USP47: variants seen among roughly 807,000 people sequenced by gnomAD.
USP47 encodes ubiquitin specific peptidase 47.
USP47 carries 35 observed loss-of-function variants against 165.1 expected under a neutral mutation model. The ratio of observed to expected loss-of-function variants is 0.21; its 90% CI spans 0.16 to 0.28. The LOEUF (loss-of-function observed/expected upper bound fraction) is 0.28. Among genes scored for constraint, USP47 ranks in the 10% least tolerant of loss-of-function variants. The probability of loss-of-function intolerance (pLI) is 1.00; values close to 1 mark genes in which losing one functional copy is unlikely to be tolerated. For synonymous variants in USP47, 531 were observed against 544.5 expected (o/e 0.98, Z 0.35); for missense variants, 1,277 against 1,607.4 (o/e 0.79, Z 3.52).
chr11:11,857,324 T>A (rs769188392), intron 1 of USP47, among the ~76,000 whole-genome samples: 2 of 152,122 alleles, frequency 1.3e-5, no homozygotes, highest in Non-Finnish European at 2.9e-5. Context: ...TTATTTTATA[T>A]CTATTTATAG....
chr11:11,843,037 C>G (rs1278054602), intron 1 of USP47, among the ~76,000 whole-genome samples: 1 of 152,118 alleles, frequency 6.6e-6, no homozygotes, highest in Non-Finnish European at 1.5e-5. Flanking sequence ...TTATAAATAT[C>G]TTCGGCGTAT....
chr11:11,888,580 A>C (rs749353227), intron 3 of USP47, among the ~76,000 whole-genome samples: 1 of 152,202 alleles, frequency 6.6e-6, no homozygotes, highest in African/African-American at 2.4e-5. Flanking sequence ...AATCAAAAAA[A>C]GCCCAGGACC....
At chr11:11,919,817 A>T (rs983265293) in intron 8 of USP47, among the ~76,000 whole-genome samples, 8 of 151,922 alleles carry the variant, frequency 5.3e-5, no homozygotes, top group African/African-American at 9.7e-5. Flanking sequence ...TGCTTTTCTT[A>T]GAAGTGTGGA....
At chr11:11,850,499 A>G (rs1313527690) in intron 1 of USP47, among the ~76,000 whole-genome samples, 1 of 113,330 alleles carries the variant, frequency 8.8e-6, no homozygotes, top group African/African-American at 3.4e-5. Context: ...TTGTCTGCAT[A>G]TTCTTTTTCT....
chr11:11,859,431 T>C (rs1174748596), intron 1 of USP47, among the ~76,000 whole-genome samples: 4 of 152,186 alleles, frequency 2.6e-5, no homozygotes, highest in Non-Finnish European at 5.9e-5. Flanking sequence ...ACCTTTCTGG[T>C]ATTTTTCTTC....
chr11:11,845,764 C>T (rs1848392598), intron 1 of USP47, among the ~76,000 whole-genome samples: 2 of 152,168 alleles, frequency 1.3e-5, no homozygotes, highest in African/African-American at 4.8e-5. Context: ...TATTTGCCAA[C>T]TTTTGCTTTA....
intron 1 of USP47, among the ~76,000 whole-genome samples, chr11:11,871,708 A>G (rs1281262253): frequency 6.6e-6 from 1 of 152,034 alleles, no homozygotes; most frequent in Non-Finnish European, 1.5e-5. Context: ...CAGAGTGTCC[A>G]GCTTTCTTCT....
chr11:11,923,555 A>G (rs368676227), intron 11 of USP47, among the ~76,000 whole-genome samples: 2 of 152,020 alleles, frequency 1.3e-5, no homozygotes, highest in East Asian at 3.9e-4. Flanking sequence ...ATTTTTTTCC[A>G]CATATATTCT....
intron 4 of USP47, among the ~76,000 whole-genome samples, chr11:11,896,703 G>A (rs776539790): frequency 4.3e-4 from 65 of 151,998 alleles, no homozygotes; most frequent in Non-Finnish European, 8.1e-4. Flanking sequence ...CAAATGGGTC[G>A]TTACAAAACA....
chr11:11,905,662 A>C, intron 8 of USP47, 114 bp downstream of exon 8: 1 of 1,075,996 alleles, frequency 9.3e-7, no homozygotes, highest in Non-Finnish European at 1.2e-6. Flanking sequence ...TTGGGTTGTT[A>C]GTCATTCCTG....
chr11:11,960,346 T>C lies in USP47; in HGVS notation c.*4171T>C, dbSNP rs957043545. ...GTCACTAGTAACTTTTTTGTAGACA[T>C]GAAGGTAGATGCCCTGCAGGTCCTA... On this transcript the variant is annotated 3_prime_UTR_variant, in exon 28 of 28. Coordinates refer to ENST00000527733, the MANE Select transcript of USP47 (RefSeq NM_001282659.2). Among the ~76,000 whole-genome samples, 1 of 152,212 alleles carries C rather than the reference T, an allele frequency of 6.6e-6. No homozygotes were observed. Among genetic ancestry groups the C allele is most frequent in the African/African-American group, 2.4e-5 (1 of 41,454 alleles).
Position 11,955,500 on chromosome 11 carries a change from C to T in USP47, c.3893+336C>T, listed in dbSNP as rs1166538392. Among the ~76,000 whole-genome samples the T allele has an allele frequency of 3.9e-5, 6 of 152,234 alleles. No individual in the cohort carries two copies. In the East Asian group the frequency reaches 9.6e-4, roughly 24 times the overall value. ...TATTGTATGTCTGTTATATTTCCAGCACATCTCAATTTGAACCAGGCATAT... is the reference window on the plus strand; with the variant it reads ...TATTGTATGTCTGTTATATTTCCAGTACATCTCAATTTGAACCAGGCATAT... On this transcript the variant is annotated intron_variant, in intron 27 of 27. Coordinates refer to ENST00000527733, the MANE Select transcript of USP47 (RefSeq NM_001282659.2).
rs1399280154 is a variant in USP47, at chr11:11,942,211, A to ACT, written c.2314-123_2314-122dup. ...TCCAAAACAATAGAGTCCTTCAGAA[A>ACT]CTATATCATCACACATGTTATAACA... On this transcript the variant is annotated intron_variant, in intron 19 of 27. Coordinates refer to ENST00000527733, the MANE Select transcript of USP47 (RefSeq NM_001282659.2). 2.0e-5 allele frequency: 23 copies of ACT among 1,141,164 alleles called. 1 individual carries two copies. In the South Asian group the frequency reaches 3.3e-4, roughly 17 times the overall value. 70.7% of individuals were successfully genotyped at this position (1,141,164 alleles called of 1,614,324 possible).
intron 4 of USP47, among the ~76,000 whole-genome samples, chr11:11,896,239 A>T (rs772232492): frequency 7.9e-5 from 12 of 152,104 alleles, no homozygotes; most frequent in Non-Finnish European, 1.5e-4. Context: ...TCTCAAGCCT[A>T]CCCCGAAAAC....
chr11:11,862,539 G>A (rs1369215639), intron 1 of USP47, among the ~76,000 whole-genome samples: 1 of 151,918 alleles, frequency 6.6e-6, no homozygotes, highest in African/African-American at 2.4e-5. Flanking sequence ...ATAAGCAAGA[G>A]GAAATAAATT....
In USP47 at chr11:11,862,476, T is replaced by C. The variant is rs1044863863; in HGVS notation, c.40-17701T>C. Among the ~76,000 whole-genome samples the C allele has an allele frequency of 2.0e-5, 3 of 152,176 alleles. No homozygotes were observed. The South Asian group carries it at 6.2e-4, about 31-fold the overall frequency. On this transcript the variant is annotated intron_variant, in intron 1 of 27. Coordinates refer to ENST00000527733, the MANE Select transcript of USP47 (RefSeq NM_001282659.2). ...TTTATGATTTTCTGAAGTATTAGTG[T>C]ATTCCTGACAAGTCTCCTCACATCC... is the stretch of plus-strand genomic sequence containing the variant.
At chr11:11,865,190 G>A (rs761240795) in intron 1 of USP47, among the ~76,000 whole-genome samples, 9 of 152,150 alleles carry the variant, frequency 5.9e-5, no homozygotes, top group Non-Finnish European at 1.2e-4. Context: ...ATAGGTTAAT[G>A]TCTTTTGCCA....
chr11:11,920,314 C>G, intron 9 of USP47, 28 bp from the exon 10 acceptor site: 1 of 1,606,660 alleles, frequency 6.2e-7, no homozygotes, highest in South Asian at 1.1e-5. Flanking sequence ...TCAATAGACT[C>G]TCCCCCTTTT....
chr11:11,933,187 C>A, intron 15 of USP47, 71 bp downstream of exon 15: 1 of 1,187,696 alleles, frequency 8.4e-7, no homozygotes, highest in Non-Finnish European at 1.2e-6. Context: ...ATTCTAATGA[C>A]TAACTCATTG....
Sources: gnomAD v4.1 joint callset for allele counts (sites outside exome capture counted in the v4.1 genomes callset) on GRCh38, gnomAD v4.1.1 for gene constraint, MANE v1.5 for transcripts, NCBI Gene and HGNC (gene_info 2026-07-23, HGNC 2026-07-21) for gene names.